THADA: variants seen among roughly 807,000 people sequenced by gnomAD.
The protein encoded by THADA is THADA armadillo repeat containing.
A neutral mutation model predicts 219.8 loss-of-function variants in THADA; 213 were observed. The ratio of observed to expected loss-of-function variants is 0.97; its 90% CI spans 0.87 to 1.09. The LOEUF is 1.09. Ranked by LOEUF, THADA falls within the 50% of genes least tolerant of loss-of-function variation. THADA has a pLI of 0.00. For synonymous variants in THADA, 1,018 were observed against 828.9 expected, an observed-to-expected ratio of 1.23 and a Z score of -3.92; for missense variants, 2,956 against 2,311.3, an observed-to-expected ratio of 1.28 and a Z score of -5.72.
chr2:43,519,723 T>C (rs1041375361), intron 22 of THADA, among the ~76,000 whole-genome samples: 4 of 152,206 alleles, frequency 2.6e-5, no homozygotes, highest in Admixed American at 2.6e-4. Context: ...AAGAAATCTT[T>C]TGTTGAATAA....
chr2:43,302,145 G>A (rs1413381171), intron 31 of THADA, among the ~76,000 whole-genome samples: 2 of 151,952 alleles, frequency 1.3e-5, no homozygotes, highest in East Asian at 1.9e-4. Context: ...TGGGACTATA[G>A]GTGCATGCCA....
intron 31 of THADA, among the ~76,000 whole-genome samples, chr2:43,313,404 A>C (rs1385485518): frequency 1.3e-5 from 2 of 152,268 alleles, no homozygotes; most frequent in Non-Finnish European, 2.9e-5. Context: ...TAAAAGTTAT[A>C]TTCCAGTTAA....
chr2:43,533,897 A>C (rs2103767610), intron 21 of THADA, among the ~76,000 whole-genome samples: 1 of 152,340 alleles, frequency 6.6e-6, no homozygotes, highest in Middle Eastern at 3.4e-3. Flanking sequence ...CCCAGAACTT[A>C]AAGTAAAATA....
In THADA at chr2:43,570,481, C is replaced by G. The variant is rs749112834; in HGVS notation, c.2094G>C (p.Gln698His). ...KLFCRIQESS[Q>H]VLYKLEQSKS... Reference sequence around the variant, plus strand: ...TACTCTGCTCCAATTTATAAAGTACCTGAGAACTTTCCTGTATCCTACAAA... The same window carrying G: ...TACTCTGCTCCAATTTATAAAGTACGTGAGAACTTTCCTGTATCCTACAAA... Residue 698 changes from glutamine (Q) to histidine (H), a missense_variant, in exon 14 of 38, where the codon CAG (glutamine) becomes CAC (histidine). Transcript: ENST00000405975. 101 of 1,612,266 alleles carry G rather than the reference C, an allele frequency of 6.3e-5. No homozygotes were observed. The East Asian group carries it at 2.1e-3, about 33-fold the overall frequency.
intron 4 of THADA, among the ~76,000 whole-genome samples, chr2:43,589,610 C>T (rs1232677413): frequency 6.6e-6 from 1 of 152,124 alleles, no homozygotes; most frequent in Non-Finnish European, 1.5e-5. Flanking sequence ...TATGTTCTCA[C>T]TCATAAGTGG....
chr2:43,291,040 G>C (rs183342693), intron 34 of THADA, among the ~76,000 whole-genome samples: 8 of 152,106 alleles, frequency 5.3e-5, no homozygotes, highest in Admixed American at 3.3e-4. Flanking sequence ...GAATTGACAT[G>C]CTTACTCCTC....
At position 43,590,080 on chromosome 2, in the gene THADA, C is replaced by T. The variant is rs573889739; in HGVS notation, c.302+744G>A. Among the ~76,000 whole-genome samples, 4 of 152,100 alleles carry T rather than the reference C, an allele frequency of 2.6e-5. No homozygotes were observed. The East Asian group carries it at 5.8e-4, about 22-fold the overall frequency. ...AGGTCTAGAAAGATAAATACCAAAA[C>T]GGTAAGTGACAATCTTTACTAAGAA... On this transcript the variant is annotated intron_variant, in intron 4 of 37. Transcript: ENST00000405975.
chr2:43,230,867 A>G lies in THADA; in HGVS notation c.*81T>C. 2 of 1,479,338 alleles carry G rather than the reference A, an allele frequency of 1.4e-6. No individual in the cohort carries two copies. Among genetic ancestry groups the G allele is most frequent in the Non-Finnish European group, 1.8e-6 (2 of 1,107,536 alleles). The allele number at this position is 1,479,338 out of a possible 1,614,324, so 91.6% of individuals were successfully genotyped here. ...AGGCATGAATGGGATAAAATTTTTGAATTTATGTTCAACATGTTTCCTGCA... is the reference window on the plus strand; with the variant it reads ...AGGCATGAATGGGATAAAATTTTTGGATTTATGTTCAACATGTTTCCTGCA... On this transcript the variant is annotated 3_prime_UTR_variant, in exon 38 of 38. Coordinates refer to ENST00000405975, the MANE Select transcript of THADA (RefSeq NM_022065.5).
At chr2:43,474,890 C>A (rs1285708912) in intron 26 of THADA, among the ~76,000 whole-genome samples, 1 of 152,156 alleles carries the variant, frequency 6.6e-6, no homozygotes, top group African/African-American at 2.4e-5. Flanking sequence ...CTGACCCCGT[C>A]TTCTACTAAG....
At chr2:43,256,429 T>G (rs1196611981) in intron 36 of THADA, among the ~76,000 whole-genome samples, 1 of 151,976 alleles carries the variant, frequency 6.6e-6, no homozygotes, top group Non-Finnish European at 1.5e-5. Context: ...ATTTATTTAT[T>G]TTTTTGAGTC....
At chr2:43,493,267 C>A (rs1041371842) in intron 25 of THADA, among the ~76,000 whole-genome samples, 21 of 152,098 alleles carry the variant, frequency 1.4e-4, no homozygotes, top group Admixed American at 1.1e-3. Flanking sequence ...GAGGACAAGG[C>A]GGGTGGATCA....
intron 7 of THADA, among the ~76,000 whole-genome samples, chr2:43,585,877 A>C (rs1012668778): frequency 6.6e-6 from 1 of 152,052 alleles, no homozygotes; most frequent in Non-Finnish European, 1.5e-5. Context: ...TTTCATTTAA[A>C]TATTTTAATA....
chr2:43,306,260 C>G (rs986924871), intron 31 of THADA, among the ~76,000 whole-genome samples: 1 of 152,114 alleles, frequency 6.6e-6, no homozygotes, highest in Non-Finnish European at 1.5e-5. Flanking sequence ...AATTTACCTG[C>G]CTTGGCCTCC....
intron 20 of THADA, among the ~76,000 whole-genome samples, chr2:43,542,960 G>A (rs1056100798): frequency 6.6e-4 from 100 of 151,606 alleles, no homozygotes; most frequent in African/African-American, 2.2e-3. Flanking sequence ...CTGGTGTGCT[G>A]CACCCATTAA....
At chr2:43,521,033 GA>G (rs1692385040) in intron 22 of THADA, among the ~76,000 whole-genome samples, 1 of 134,824 alleles carries the variant, frequency 7.4e-6, no homozygotes, top group Non-Finnish European at 1.6e-5. Flanking sequence ...GGGAAGGAAT[GA>G]AGGGAAGGAA....
At chr2:43,473,998 G>C (rs1685223675) in intron 26 of THADA, among the ~76,000 whole-genome samples, 1 of 152,136 alleles carries the variant, frequency 6.6e-6, no homozygotes, top group East Asian at 1.9e-4. Flanking sequence ...ATTGTGCTGA[G>C]ACATCATAGG....
chr2:43,331,261 T>C (rs1388116599), intron 30 of THADA, among the ~76,000 whole-genome samples: 1 of 152,238 alleles, frequency 6.6e-6, no homozygotes, highest in Admixed American at 6.5e-5. Context: ...ACAAAACCTA[T>C]GTGGTCTCAA....
At chr2:43,482,413 T>C (rs1396028249) in intron 26 of THADA, among the ~76,000 whole-genome samples, 1 of 152,128 alleles carries the variant, frequency 6.6e-6, no homozygotes, top group Non-Finnish European at 1.5e-5. Flanking sequence ...TGGGAATACA[T>C]CATTTTACCA....
At chr2:43,553,358 T>A (rs1161340694) in intron 17 of THADA, among the ~76,000 whole-genome samples, 1 of 152,108 alleles carries the variant, frequency 6.6e-6, no homozygotes, top group Non-Finnish European at 1.5e-5. Flanking sequence ...GATGGAGACC[T>A]TGGAAGGTAA....
Sources: gnomAD v4.1 joint callset for allele counts (sites outside exome capture counted in the v4.1 genomes callset) on GRCh38, gnomAD v4.1.1 for gene constraint, MANE v1.5 for transcripts, NCBI Gene and HGNC (gene_info 2026-07-23, HGNC 2026-07-21) for gene names.